MAML3: variants seen among roughly 807,000 people sequenced by gnomAD.
MAML3 encodes the protein mastermind-like protein 3.
A neutral mutation model predicts 101.9 loss-of-function variants in MAML3; 27 were observed. The ratio of observed to expected loss-of-function variants is 0.27; its 90% CI spans 0.20 to 0.37. The LOEUF (loss-of-function observed/expected upper bound fraction) is 0.37, where lower values mean the gene tolerates loss of function less well. Ranked by LOEUF, MAML3 falls within the 10% of genes least tolerant of loss-of-function variation. The probability of loss-of-function intolerance (pLI) is 1.00; values close to 1 mark genes in which losing one functional copy is unlikely to be tolerated. For missense variants in MAML3, 1,316 were observed against 1,444.9 expected, an observed-to-expected ratio of 0.91 and a Z score of 1.45; for synonymous variants, 501 against 555.9, an observed-to-expected ratio of 0.90 and a Z score of 1.39.
chr4:139,956,505 A>G (rs769657), intron 1 of MAML3, among the ~76,000 whole-genome samples: 63,904 of 152,060 alleles, frequency 0.42, 16,089 homozygotes, highest in African/African-American at 0.71. Context: ...ACTTCCAACA[A>G]GCAAACTCAA....
At chr4:140,116,546 T>C (rs940950446) in intron 1 of MAML3, among the ~76,000 whole-genome samples, 2 of 152,228 alleles carry the variant, frequency 1.3e-5, no homozygotes, top group African/African-American at 4.8e-5. Context: ...GCCAACTGCC[T>C]GGATTCAATT....
Position 139,890,421 on chromosome 4 carries a change from GCTC to G in MAML3, c.1012_1014del (p.Glu338del). ...TCAGTTGCTGGCTGCGAGAATTCTG[GCTC>G]CTTCTTCTCTTCAAAGTCTTCGTTG... On this transcript the variant is annotated inframe_deletion, in exon 2 of 5. Transcript: ENST00000509479. The surrounding 1 kb of genome is among the most constrained non-coding windows in gnomAD (Gnocchi z 4.1). 11 of 1,606,660 alleles carry G rather than the reference GCTC, an allele frequency of 6.8e-6. No homozygotes were observed. The highest frequency in any genetic ancestry group is 9.4e-6 in the Non-Finnish European group (11 of 1,174,596).
At chr4:139,863,603 C>T (rs1042188609) in intron 2 of MAML3, among the ~76,000 whole-genome samples, 1 of 152,036 alleles carries the variant, frequency 6.6e-6, no homozygotes, top group Non-Finnish European at 1.5e-5. Flanking sequence ...TCCCACAGTG[C>T]TGGGATTACA....
chr4:139,941,920 G>A (rs188665513), intron 1 of MAML3, among the ~76,000 whole-genome samples: 278 of 152,216 alleles, frequency 1.8e-3, no homozygotes, highest in African/African-American at 6.4e-3. Flanking sequence ...GATCACCAGA[G>A]GTCAGGAGTT....
chr4:140,052,455 C>T (rs1320984899), intron 1 of MAML3, among the ~76,000 whole-genome samples: 3 of 152,116 alleles, frequency 2.0e-5, no homozygotes, highest in Non-Finnish European at 4.4e-5. Flanking sequence ...ATCACCTAGA[C>T]CCCGTGTAGG....
intron 1 of MAML3, among the ~76,000 whole-genome samples, chr4:140,063,788 T>C (rs1002726499): frequency 3.0e-5 from 4 of 131,466 alleles, no homozygotes; most frequent in Non-Finnish European, 6.8e-5. Context: ...GTTTGCTTGC[T>C]TGCTTTAAAA....
At chr4:140,114,240 T>C (rs1432330195) in intron 1 of MAML3, among the ~76,000 whole-genome samples, 1 of 152,218 alleles carries the variant, frequency 6.6e-6, no homozygotes, top group African/African-American at 2.4e-5. Context: ...AAGTCTGTTA[T>C]AGCTCTTATC....
At chr4:140,119,299 A>T (rs1179158994) in intron 1 of MAML3, among the ~76,000 whole-genome samples, 1 of 152,144 alleles carries the variant, frequency 6.6e-6, no homozygotes, top group Non-Finnish European at 1.5e-5. Context: ...CATTGTAACC[A>T]TTTGCCCACT....
intron 1 of MAML3, among the ~76,000 whole-genome samples, chr4:140,114,391 C>A (rs2111015636): frequency 6.6e-6 from 1 of 152,292 alleles, no homozygotes; most frequent in East Asian, 1.9e-4. Flanking sequence ...AAGACTGTAG[C>A]CAAAAGGCAA....
chr4:139,721,239 T>A (rs1464391252), intron 4 of MAML3, among the ~76,000 whole-genome samples: 2 of 152,114 alleles, frequency 1.3e-5, no homozygotes, highest in African/African-American at 4.8e-5. Flanking sequence ...TAATTAGGCA[T>A]TTGAGTGAGT....
At chr4:139,817,895 T>C (rs564880435) in intron 2 of MAML3, among the ~76,000 whole-genome samples, 2 of 152,354 alleles carry the variant, frequency 1.3e-5, no homozygotes, top group African/African-American at 4.8e-5. Context: ...GGGACTCACT[T>C]ACTGCTTCTT....
rs548192029 is a variant in MAML3 at position 139,945,047 on chromosome 4, C to T, written c.469-54080G>A. Among the ~76,000 whole-genome samples the T allele has an allele frequency of 4.6e-5, 7 of 152,244 alleles. No homozygotes were observed. The South Asian group carries it at 8.3e-4, about 18-fold the overall frequency. ...CACAATAGCAAAGAGTTGGAACCAA[C>T]CCAAATGTCCAACAATGAAAGACAA... On this transcript the variant is annotated intron_variant, in intron 1 of 4. Coordinates refer to ENST00000509479, the MANE Select transcript of MAML3 (RefSeq NM_018717.5).
chr4:139,784,245 G>A (rs371146877), intron 2 of MAML3, among the ~76,000 whole-genome samples: 1 of 152,194 alleles, frequency 6.6e-6, no homozygotes, highest in Non-Finnish European at 1.5e-5. Context: ...GTCCACACAA[G>A]CACTCCTCTT....
intron 1 of MAML3, among the ~76,000 whole-genome samples, chr4:139,941,040 A>G (rs1028868818): frequency 3.3e-5 from 5 of 152,228 alleles, no homozygotes; most frequent in African/African-American, 1.2e-4. Flanking sequence ...CATAAATTAA[A>G]ATGTTCAAAT....
At position 140,083,926 on chromosome 4, in the gene MAML3, A is replaced by ACG. The variant is rs1189282262; in HGVS notation, c.468+68932_468+68933dup. Among the ~76,000 whole-genome samples, 589 of 145,172 alleles carry ACG rather than the reference A, an allele frequency of 4.1e-3. 5 individuals carry two copies. The highest frequency in any genetic ancestry group is 9.0e-3 in the African/African-American group (346 of 38,350). On this transcript the variant is annotated intron_variant, in intron 1 of 4. Transcript: ENST00000509479. ...AGAAACACCCTAGATTGAAACACAC[A>ACG]CGCGCGCACACACACACACACACAC...
intron 1 of MAML3, among the ~76,000 whole-genome samples, chr4:140,083,558 T>C (rs1442408674): frequency 6.6e-6 from 1 of 152,206 alleles, no homozygotes; most frequent in Non-Finnish European, 1.5e-5. Flanking sequence ...ACCTGACACT[T>C]GAGCCTTTCC....
At chr4:139,843,072 C>T (rs561618556) in intron 2 of MAML3, among the ~76,000 whole-genome samples, 14 of 152,160 alleles carry the variant, frequency 9.2e-5, no homozygotes, top group South Asian at 2.1e-4. Flanking sequence ...CCAGTCACCA[C>T]GTCCAGCCAA....
chr4:140,055,024 A>G (rs1727329910), intron 1 of MAML3, among the ~76,000 whole-genome samples: 2 of 152,242 alleles, frequency 1.3e-5, no homozygotes, highest in African/African-American at 4.8e-5. Context: ...GACACTAAAA[A>G]GTATTCAAAA....
At chr4:140,121,578 A>C (rs1296103667) in intron 1 of MAML3, among the ~76,000 whole-genome samples, 1 of 152,256 alleles carries the variant, frequency 6.6e-6, no homozygotes, top group African/African-American at 2.4e-5. Flanking sequence ...GCTGATACTC[A>C]ATATGGCAAA....
Sources: gnomAD v4.1 joint callset for allele counts (sites outside exome capture counted in the v4.1 genomes callset) on GRCh38, gnomAD v4.1.1 for gene constraint, Gnocchi (gnomAD v3.1) non-coding constraint, MANE v1.5 for transcripts, NCBI Gene and HGNC (gene_info 2026-07-23, HGNC 2026-07-21) for gene names.